The following RAD51B variants were observed in gnomAD, a reference collection of about 807,000 sequenced individuals.
RAD51B encodes DNA repair protein RAD51 homolog 2.
RAD51B carries 38 observed loss-of-function variants against 42.2 expected under a neutral mutation model. The observed-to-expected ratio is 0.90, with a 90% confidence interval of 0.70 to 1.18. RAD51B has a LOEUF of 1.18. RAD51B is among the 50% of genes most tolerant of loss of function. The probability of loss-of-function intolerance (pLI) is 0.00; values close to 1 mark genes in which losing one functional copy is unlikely to be tolerated. For synonymous variants in RAD51B, 154 were observed against 145.2 expected (o/e 1.06, Z -0.43); for missense variants, 373 against 400.7 (o/e 0.93, Z 0.59).
At chr14:68,095,990 A>T in intron 7 of RAD51B, among the ~76,000 whole-genome samples, 1 of 151,132 alleles carries the variant, frequency 6.6e-6, no homozygotes, top group Non-Finnish European at 1.5e-5. Context: ...AAAAAAAAAA[A>T]AAAAAAGAAA....
At chr14:68,562,272 T>C in intron 10 of RAD51B, 2 of 985,416 alleles carry the variant, frequency 2.0e-6, no homozygotes, top group Non-Finnish European at 2.4e-6. Flanking sequence ...GCCAGATCTT[T>C]GCAACGGAAA....
chr14:68,452,105 G>A (rs150735390), intron 9 of RAD51B, among the ~76,000 whole-genome samples: 37 of 152,270 alleles, frequency 2.4e-4, no homozygotes, highest in Middle Eastern at 3.4e-3. Flanking sequence ...CTTGTGGATG[G>A]CGCTGGGAAA....
chr14:68,433,239 T>G (rs1205171654), intron 9 of RAD51B, among the ~76,000 whole-genome samples: 1 of 152,184 alleles, frequency 6.6e-6, no homozygotes, highest in Non-Finnish European at 1.5e-5. Flanking sequence ...GAGTTGCTCT[T>G]CTTGAGGAGT....
chr14:68,080,986 A>T (rs2140489577), intron 7 of RAD51B, among the ~76,000 whole-genome samples: 1 of 152,266 alleles, frequency 6.6e-6, no homozygotes, highest in South Asian at 2.1e-4. Context: ...AGGGGAAGAA[A>T]ACTGGTCCTG....
At chr14:68,249,839 A>G (rs541271719) in intron 7 of RAD51B, among the ~76,000 whole-genome samples, 23 of 152,360 alleles carry the variant, frequency 1.5e-4, no homozygotes, top group African/African-American at 5.0e-4. Flanking sequence ...TAGAGCTGCA[A>G]TTCTTTCATA....
intron 7 of RAD51B, among the ~76,000 whole-genome samples, chr14:67,954,448 A>T (rs1387391589): frequency 6.6e-6 from 1 of 152,116 alleles, no homozygotes; most frequent in African/African-American, 2.4e-5. Context: ...AAACCAAGAG[A>T]TGAAAGAATT....
intron 10 of RAD51B, among the ~76,000 whole-genome samples, chr14:68,637,876 C>T (rs1892373156): frequency 6.6e-6 from 1 of 152,212 alleles, no homozygotes; most frequent in Non-Finnish European, 1.5e-5. Flanking sequence ...TTAGAGGCCC[C>T]CACAGCACAT....
chr14:68,049,720 C>T (rs1161908199), intron 7 of RAD51B, among the ~76,000 whole-genome samples: 1 of 152,210 alleles, frequency 6.6e-6, no homozygotes, highest in East Asian at 1.9e-4. Context: ...GCCTTTGTTA[C>T]TCCCACAGCC....
At chr14:67,886,067 GA>G in intron 6 of RAD51B, 79 bp downstream of exon 6, 2 of 1,226,292 alleles carry the variant, frequency 1.6e-6, no homozygotes, top group Non-Finnish European at 2.2e-6. Flanking sequence ...GCTTCTAAGT[GA>G]AAAAAGTCTT....
intron 7 of RAD51B, among the ~76,000 whole-genome samples, chr14:67,985,040 G>A (rs1056912230): frequency 4.6e-5 from 7 of 152,140 alleles, no homozygotes; most frequent in Non-Finnish European, 1.0e-4. Context: ...GTTAGGTCAA[G>A]GATTGGACTA....
chr14:68,163,609 G>A (rs1002244672), intron 7 of RAD51B, among the ~76,000 whole-genome samples: 1 of 151,826 alleles, frequency 6.6e-6, no homozygotes, highest in Non-Finnish European at 1.5e-5. Flanking sequence ...TTCCTCCTTG[G>A]CTATAACGCC....
At chr14:68,648,086 CGTGT>C (rs199695080) in intron 10 of RAD51B, among the ~76,000 whole-genome samples, 10 of 62,306 alleles carry the variant, frequency 1.6e-4, no homozygotes, top group South Asian at 1.5e-3. Context: ...CGTATATATA[CGTGT>C]GTGTATATAT....
At chr14:68,087,624 T>A (rs1236740529) in intron 7 of RAD51B, among the ~76,000 whole-genome samples, 1 of 151,604 alleles carries the variant, frequency 6.6e-6, no homozygotes, top group Non-Finnish European at 1.5e-5. Context: ...GTGATTGAGC[T>A]ATGGGGCCTT....
chr14:67,920,277 AT>A (rs951192434), intron 7 of RAD51B, among the ~76,000 whole-genome samples: 2 of 151,640 alleles, frequency 1.3e-5, no homozygotes, highest in African/African-American at 4.8e-5. Flanking sequence ...TTAATAATGG[AT>A]TTTTTTTCTT....
chr14:67,916,006 GATAAT>G (rs992874787), intron 7 of RAD51B, among the ~76,000 whole-genome samples: 3 of 152,284 alleles, frequency 2.0e-5, no homozygotes. Flanking sequence ...TCCTTGATAA[GATAAT>G]ATATCATGTA....
chr14:68,158,082 G>C (rs540866949), intron 7 of RAD51B, among the ~76,000 whole-genome samples: 11 of 152,056 alleles, frequency 7.2e-5, no homozygotes, highest in African/African-American at 2.4e-4. Context: ...GACCTAGCTT[G>C]TGGCAGACTA....
At chr14:68,401,963 T>A (rs2084118246) in intron 8 of RAD51B, among the ~76,000 whole-genome samples, 1 of 152,182 alleles carries the variant, frequency 6.6e-6, no homozygotes. Context: ...AGTGCTCTAT[T>A]TATAGAGCTA....
At position 68,453,211 on chromosome 14, in the gene RAD51B, A is replaced by G. The variant is rs558426642; in HGVS notation, c.958-14961A>G. ...TGACCACATATGTATATTCTTTCTC[A>G]TGATTCATTTGAAATTATGTCTGTA... On this transcript the variant is annotated intron_variant, in intron 9 of 10. Transcript: ENST00000471583. Among the ~76,000 whole-genome samples, 5 of 152,382 alleles carry G rather than the reference A, an allele frequency of 3.3e-5. No homozygotes were observed. In the East Asian group the frequency reaches 9.6e-4, roughly 29 times the overall value.
chr14:68,347,460 T>C (rs1362413875), intron 8 of RAD51B, among the ~76,000 whole-genome samples: 2 of 152,120 alleles, frequency 1.3e-5, no homozygotes, highest in Non-Finnish European at 2.9e-5. Context: ...GGCAGAAGGA[T>C]CGCTTAAGCC....
Sources: allele counts gnomAD v4.1 joint callset (sites outside exome capture counted in the v4.1 genomes callset), GRCh38; gene constraint gnomAD v4.1.1; transcripts MANE v1.5; gene names NCBI Gene and HGNC (gene_info 2026-07-23, HGNC 2026-07-21).